The following SLCO6A1 variants were observed in gnomAD, a reference collection of about 807,000 sequenced individuals.
SLCO6A1 encodes the protein cancer/testis antigen 48.
SLCO6A1 carries 65 observed loss-of-function variants against 72.7 expected under a neutral mutation model. The observed-to-expected ratio is 0.89, with a 90% CI of 0.73 to 1.10. The LOEUF is 1.10. Among genes scored for constraint, SLCO6A1 ranks in the 50% least tolerant of loss-of-function variants. The probability of loss-of-function intolerance (pLI) is 0.00; values close to 1 mark genes in which losing one functional copy is unlikely to be tolerated. For synonymous variants in SLCO6A1, 314 were observed against 298.2 expected (o/e 1.05, Z -0.55); for missense variants, 874 against 872.6 (o/e 1.00, Z -0.02).
rs554309019 is a variant in SLCO6A1 at position 102,437,313 on chromosome 5, G to T, written c.1276+1304C>A. 4.6e-5 allele frequency among the ~76,000 whole-genome samples: 7 copies of T among 152,208 alleles called. No homozygotes were observed. In the East Asian group the frequency reaches 1.2e-3, roughly 25 times the overall value. On this transcript the variant is annotated intron_variant, in intron 7 of 13. Transcript: ENST00000506729. ...TTGCTAATGTATTCTGTTATACTTT[G>T]ATATCTCAGGCTAAGTGGAAAGGTC...
intron 3 of SLCO6A1, among the ~76,000 whole-genome samples, chr5:102,476,290 T>A (rs756422982): frequency 6.6e-6 from 1 of 152,156 alleles, no homozygotes; most frequent in Non-Finnish European, 1.5e-5. Flanking sequence ...TTTTAAGGAA[T>A]TGGCTCATAC....
In SLCO6A1 at chr5:102,459,782, A is replaced by C. The variant is rs368398296; in HGVS notation, c.900-5T>G. On this transcript the variant is annotated splice_polypyrimidine_tract_variant and splice_region_variant and intron_variant, in intron 4 of 13. Coordinates refer to ENST00000506729, the MANE Select transcript of SLCO6A1 (RefSeq NM_173488.5). The stretch of plus-strand genomic sequence containing the variant: ...CTACCATTATTGACTGTAGTGCTTT[A>C]ATAAAGAAAAGTGAAAAAAAAAAGC... The C allele has an allele frequency of 1.3e-6, 2 of 1,565,650 alleles. No homozygotes were observed. Among genetic ancestry groups the C allele is most frequent in the Non-Finnish European group, 1.7e-6 (2 of 1,164,660 alleles).
At chr5:102,419,289 G>A (rs1011865956) in intron 8 of SLCO6A1, among the ~76,000 whole-genome samples, 5 of 152,168 alleles carry the variant, frequency 3.3e-5, no homozygotes, top group Non-Finnish European at 4.4e-5. Flanking sequence ...GTTGCTCAAA[G>A]TAGAAGTCTT....
intron 1 of SLCO6A1, 144 bp downstream of exon 1, chr5:102,498,343 A>AGAAGT: frequency 2.8e-6 from 2 of 721,438 alleles, no homozygotes; most frequent in Admixed American, 5.4e-5. Context: ...CAACGCCTTG[A>AGAAGT]GAAGTCAGAA....
chr5:102,419,723 T>G, intron 8 of SLCO6A1, 103 bp downstream of exon 8: 1 of 912,842 alleles, frequency 1.1e-6, no homozygotes. Context: ...ATTCCAATAA[T>G]TATATGAACA....
chr5:102,418,397 G>A (rs545519646), intron 8 of SLCO6A1, among the ~76,000 whole-genome samples: 1 of 151,902 alleles, frequency 6.6e-6, no homozygotes, highest in South Asian at 2.1e-4. Flanking sequence ...AAAAATTTTG[G>A]CCATAATATC....
intron 7 of SLCO6A1, among the ~76,000 whole-genome samples, chr5:102,424,180 A>C (rs1748763655): frequency 6.6e-6 from 1 of 152,222 alleles, no homozygotes; most frequent in East Asian, 1.9e-4. Flanking sequence ...GAAAGATCTA[A>C]AATTGACACC....
At chr5:102,413,864 T>C (rs1484980802) in intron 8 of SLCO6A1, among the ~76,000 whole-genome samples, 1 of 152,178 alleles carries the variant, frequency 6.6e-6, no homozygotes, top group Non-Finnish European at 1.5e-5. Flanking sequence ...TAGTGACAAA[T>C]GATGTCGATC....
chr5:102,400,814 T>C (rs1747355571), intron 9 of SLCO6A1, among the ~76,000 whole-genome samples: 1 of 152,064 alleles, frequency 6.6e-6, no homozygotes, highest in South Asian at 2.1e-4. Context: ...ATATGTTAAA[T>C]AATATAAATA....
At chr5:102,496,712 A>G (rs1752925630) in intron 1 of SLCO6A1, among the ~76,000 whole-genome samples, 1 of 152,196 alleles carries the variant, frequency 6.6e-6, no homozygotes, top group Admixed American at 6.5e-5. Flanking sequence ...CATCGAATAC[A>G]TATTTACTGA....
At chr5:102,414,384 G>A (rs1200359668) in intron 8 of SLCO6A1, among the ~76,000 whole-genome samples, 4 of 152,064 alleles carry the variant, frequency 2.6e-5, no homozygotes, top group Non-Finnish European at 5.9e-5. Flanking sequence ...CCTAGCCAGA[G>A]CAACCAGGAA....
In SLCO6A1 at chr5:102,399,724, A is replaced by C. The variant is rs751861323; in HGVS notation, c.1645T>G (p.Cys549Gly). The change falls in exon 10 of 14, where the codon TGC (cysteine) becomes GGC (glycine). Residue 549 changes from cysteine (C) to glycine (G), a missense_variant. Physicochemically the swap from Cys to Gly is radical, Grantham distance 159. Coordinates refer to ENST00000506729, the MANE Select transcript of SLCO6A1 (RefSeq NM_173488.5). ...GCAGTTATTAATCCTTCTTTAATGC[A>C]AGAACAATTGTAGTACATCTGTGAG... ...NQKKMYYNCS[C>G]IKEGLITADA... The C allele has an allele frequency of 6.3e-7, 1 of 1,576,652 alleles. No individual in the cohort carries two copies. Among genetic ancestry groups the C allele is most frequent in the South Asian group, 1.2e-5 (1 of 83,952 alleles).
intron 6 of SLCO6A1, among the ~76,000 whole-genome samples, chr5:102,444,427 TA>T (rs1750002637): frequency 6.6e-6 from 1 of 152,174 alleles, no homozygotes; most frequent in South Asian, 2.1e-4. Flanking sequence ...AAACATAAGT[TA>T]AAGAGGAGAC....
At chr5:102,395,353 C>T (rs1482818522) in intron 10 of SLCO6A1, among the ~76,000 whole-genome samples, 1 of 152,106 alleles carries the variant, frequency 6.6e-6, no homozygotes, top group African/African-American at 2.4e-5. Context: ...ATCCATGTCC[C>T]TACAAAGGAC....
At position 102,412,877 on chromosome 5, in the gene SLCO6A1, A is replaced by G. The variant is rs1385755582; in HGVS notation, c.1626+113T>C. On this transcript the variant is annotated intron_variant, in intron 9 of 13. Coordinates refer to ENST00000506729, the MANE Select transcript of SLCO6A1 (RefSeq NM_173488.5). ...ACAGAGTTGGAAGAAAAATGTTAAT[A>G]GCATCTACAAGTTGAACATTTCACT... 2.3e-5 allele frequency: 9 copies of G among 398,250 alleles called. No homozygotes were observed. The East Asian group carries it at 3.5e-4, about 16-fold the overall frequency. The allele number at this position is 398,250 out of a possible 1,614,324, so 24.7% of individuals were successfully genotyped here. A position where few individuals can be genotyped will look rare whatever the true frequency, so the allele number is the denominator to read the frequency against.
intron 1 of SLCO6A1, 125 bp from the exon 2 acceptor site, chr5:102,480,559 G>A: frequency 1.0e-6 from 1 of 953,164 alleles, no homozygotes; most frequent in Non-Finnish European, 1.5e-6. Context: ...ATGTTTAAAA[G>A]CTATAAGCAA....
intron 8 of SLCO6A1, among the ~76,000 whole-genome samples, chr5:102,415,804 T>G (rs1748250266): frequency 6.6e-6 from 1 of 151,994 alleles, no homozygotes; most frequent in Non-Finnish European, 1.5e-5. Flanking sequence ...TTTCAAGCTA[T>G]CCATCCAACG....
intron 4 of SLCO6A1, among the ~76,000 whole-genome samples, chr5:102,475,345 AAGAAAAAT>A: frequency 6.6e-6 from 1 of 152,144 alleles, no homozygotes; most frequent in African/African-American, 2.4e-5. Context: ...CAATCACAAA[AAGAAAAAT>A]ACTGCATGAT....
At chr5:102,438,319 T>C (rs1336324573) in intron 7 of SLCO6A1, among the ~76,000 whole-genome samples, 1 of 151,980 alleles carries the variant, frequency 6.6e-6, no homozygotes, top group Non-Finnish European at 1.5e-5. Flanking sequence ...GACAAGCACA[T>C]AAGCAGTAAA....
Sources: gnomAD v4.1 joint callset for allele counts (sites outside exome capture counted in the v4.1 genomes callset) on GRCh38, gnomAD v4.1.1 for gene constraint, MANE v1.5 for transcripts, NCBI Gene and HGNC (gene_info 2026-07-23, HGNC 2026-07-21) for gene names.